DOCK3: variants seen among roughly 807,000 people sequenced by gnomAD.
The protein encoded by DOCK3 is dedicator of cytokinesis 3, also known as dedicator of cytokinesis protein 3.
Under a neutral mutation model 265.6 loss-of-function variants are expected in DOCK3, and 60 were observed. The ratio of observed to expected loss-of-function variants is 0.23; its 90% CI spans 0.18 to 0.28. DOCK3 has a LOEUF of 0.28. Among genes scored for constraint, DOCK3 ranks in the 10% least tolerant of loss-of-function variants. The pLI, the probability that DOCK3 is intolerant of heterozygous loss-of-function variation, is 1.00. For missense variants in DOCK3, 1,981 were observed against 2,594.3 expected, an observed-to-expected ratio of 0.76 and a Z score of 5.14; for synonymous variants, 881 against 938.0, an observed-to-expected ratio of 0.94 and a Z score of 1.11.
intron 5 of DOCK3, among the ~76,000 whole-genome samples, chr3:51,047,721 A>G (rs1471079255): frequency 6.6e-6 from 1 of 152,160 alleles, no homozygotes; most frequent in African/African-American, 2.4e-5. Context: ...ACAGACCAAT[A>G]ACAAATAAGG....
intron 9 of DOCK3, among the ~76,000 whole-genome samples, chr3:51,117,376 T>C (rs2083787193): frequency 6.6e-6 from 1 of 152,300 alleles, no homozygotes; most frequent in Non-Finnish European, 1.5e-5. Flanking sequence ...TAGTATTTTA[T>C]TGAGGATTTT....
intron 3 of DOCK3, among the ~76,000 whole-genome samples, chr3:50,868,901 G>GTTTTTTTT (rs147898866): frequency 8.4e-4 from 12 of 14,294 alleles, no homozygotes; most frequent in East Asian, 3.2e-3. Flanking sequence ...TGGATAATCT[G>GTTTTTTTT]TTTTTTTTTT....
intron 2 of DOCK3, chr3:50,786,719 G>C (rs2042202493): frequency 2.8e-6 from 2 of 707,062 alleles, no homozygotes; most frequent in African/African-American, 1.7e-5. Flanking sequence ...TCCAGTGTTT[G>C]TTTTCATGTG....
intron 9 of DOCK3, among the ~76,000 whole-genome samples, chr3:51,122,710 A>G (rs2084082323): frequency 1.3e-5 from 2 of 152,188 alleles, no homozygotes; most frequent in Admixed American, 1.3e-4. Flanking sequence ...GGAAAAGGAA[A>G]TGGAAAAGGA....
In DOCK3 at chr3:51,297,117, C is replaced by CAAAA. The variant is rs71633066; in HGVS notation, c.2923-13095_2923-13092dup. Among the ~76,000 whole-genome samples, 352 of 65,354 alleles carry CAAAA rather than the reference C, an allele frequency of 5.4e-3. 23 individuals are homozygous for CAAAA. The East Asian group carries it at 0.084, about 16-fold the overall frequency. 42.9% of individuals were successfully genotyped at this position (65,354 alleles called of 152,430 possible). On this transcript the variant is annotated intron_variant, in intron 27 of 52. Coordinates refer to ENST00000266037, the MANE Select transcript of DOCK3 (RefSeq NM_004947.5). The stretch of plus-strand genomic sequence containing the variant: ...TGGGGGATAGAGTGAGACTCTGTCT[C>CAAAA]AAAAAAAAAAAAAAAAAAAAAAATC...
chr3:51,379,434 G>C, intron 51 of DOCK3: 4 of 985,460 alleles, frequency 4.1e-6, no homozygotes, highest in Non-Finnish European at 4.8e-6. Context: ...CATGCCATCT[G>C]TTTCCACCCT....
At chr3:50,932,057 C>T (rs191834998) in intron 4 of DOCK3, among the ~76,000 whole-genome samples, 3 of 152,284 alleles carry the variant, frequency 2.0e-5, no homozygotes, top group Admixed American at 2.0e-4. Flanking sequence ...CAGTAGAAAG[C>T]ACCTCTTCTG....
At chr3:50,825,497 C>T (rs2044706226) in intron 2 of DOCK3, among the ~76,000 whole-genome samples, 1 of 152,082 alleles carries the variant, frequency 6.6e-6, no homozygotes. Context: ...CTCTTGTCTC[C>T]TCCTGGTAGA....
chr3:50,698,915 A>G (rs1190905100), intron 1 of DOCK3, among the ~76,000 whole-genome samples: 1 of 152,130 alleles, frequency 6.6e-6, no homozygotes, highest in Non-Finnish European at 1.5e-5. Flanking sequence ...TTTATCAGAT[A>G]AGTGATTTAC....
intron 19 of DOCK3, among the ~76,000 whole-genome samples, chr3:51,234,825 A>G (rs1054571929): frequency 2.6e-5 from 4 of 152,202 alleles, no homozygotes; most frequent in African/African-American, 9.7e-5. Context: ...TTTTCTGGGC[A>G]GAGTGTTTCC....
At chr3:51,220,732 T>TATATATAA (rs1242775735) in intron 14 of DOCK3, among the ~76,000 whole-genome samples, 2 of 144,552 alleles carry the variant, frequency 1.4e-5, no homozygotes, top group African/African-American at 5.1e-5. Context: ...TATATATATA[T>TATATATAA]AAAATACTTG....
intron 27 of DOCK3, among the ~76,000 whole-genome samples, chr3:51,308,713 C>T (rs1307454583): frequency 5.9e-5 from 9 of 152,188 alleles, no homozygotes; most frequent in Admixed American, 2.0e-4. Flanking sequence ...CATCATGGCC[C>T]GTTCTCAATG....
intron 5 of DOCK3, among the ~76,000 whole-genome samples, chr3:51,004,356 A>G (rs1274883840): frequency 1.3e-5 from 2 of 152,130 alleles, no homozygotes; most frequent in Non-Finnish European, 2.9e-5. Context: ...ACGTGTTTTA[A>G]TTGTAGTCTC....
intron 4 of DOCK3, among the ~76,000 whole-genome samples, chr3:50,920,221 T>C (rs951466509): frequency 5.9e-5 from 9 of 152,224 alleles, no homozygotes; most frequent in African/African-American, 2.2e-4. Context: ...TTTTTTGTTG[T>C]GCCTCTGCTA....
intron 4 of DOCK3, among the ~76,000 whole-genome samples, chr3:50,912,912 A>T (rs961660865): frequency 6.6e-5 from 10 of 152,014 alleles, no homozygotes; most frequent in Non-Finnish European, 1.3e-4. Context: ...CCTGGAATCG[A>T]GGGCCCCTAG....
At chr3:50,811,112 G>A (rs2043727922) in intron 2 of DOCK3, among the ~76,000 whole-genome samples, 1 of 152,130 alleles carries the variant, frequency 6.6e-6, no homozygotes, top group African/African-American at 2.4e-5. Flanking sequence ...AATAGGTGAG[G>A]ACCAGGTATG....
chr3:51,233,502 A>G (rs1308025993), intron 19 of DOCK3, among the ~76,000 whole-genome samples: 1 of 152,104 alleles, frequency 6.6e-6, no homozygotes, highest in Non-Finnish European at 1.5e-5. Flanking sequence ...AGTAGCTGGG[A>G]TTACAGGCAT....
At chr3:51,152,453 C>T (rs976347369) in intron 10 of DOCK3, among the ~76,000 whole-genome samples, 4 of 152,238 alleles carry the variant, frequency 2.6e-5, no homozygotes, top group Middle Eastern at 3.4e-3. Context: ...TCCTTTAGCT[C>T]GGAGAAGTTT....
intron 27 of DOCK3, among the ~76,000 whole-genome samples, chr3:51,306,033 T>C (rs894632526): frequency 6.6e-6 from 1 of 150,570 alleles, no homozygotes; most frequent in Admixed American, 6.6e-5. Flanking sequence ...CTTTTTTTTT[T>C]TAAATTTATT....
Sources: allele counts gnomAD v4.1 joint callset (sites outside exome capture counted in the v4.1 genomes callset), GRCh38; gene constraint gnomAD v4.1.1; transcripts MANE v1.5; gene names NCBI Gene and HGNC (gene_info 2026-07-23, HGNC 2026-07-21).